PARD3: variants seen among roughly 807,000 people sequenced by gnomAD.
PARD3 encodes par-3 family cell polarity regulator.
Under a neutral mutation model 155.4 loss-of-function variants are expected in PARD3, and 75 were observed. That is an observed-to-expected ratio of 0.48 (90% CI 0.40 to 0.58). PARD3 has a LOEUF of 0.58. PARD3 is among the 20% of genes least tolerant of loss of function. The pLI is 0.00. For missense variants in PARD3, 1,642 were observed against 1,721.7 expected (o/e 0.95, Z 0.82); for synonymous variants, 576 against 610.5 (o/e 0.94, Z 0.83).
At chr10:34,352,949 G>A (rs1838304083) in intron 14 of PARD3, among the ~76,000 whole-genome samples, 2 of 151,118 alleles carry the variant, frequency 1.3e-5, no homozygotes, top group Admixed American at 6.6e-5. Flanking sequence ...GAGCGCCTCT[G>A]CCCCGCCGCC....
chr10:34,425,323 A>G (rs965272313), intron 5 of PARD3, among the ~76,000 whole-genome samples: 1 of 152,260 alleles, frequency 6.6e-6, no homozygotes, highest in African/African-American at 2.4e-5. Context: ...TACTTTCACA[A>G]CCAGAACCCA....
chr10:34,808,662 C>G (rs993881553), intron 1 of PARD3, among the ~76,000 whole-genome samples: 4 of 152,128 alleles, frequency 2.6e-5, no homozygotes, highest in Non-Finnish European at 5.9e-5. Flanking sequence ...ATACCGAGGG[C>G]TCTAATCATC....
In PARD3 at chr10:34,219,636, T is replaced by C. The variant is rs188884099; in HGVS notation, c.3419+50021A>G. On this transcript the variant is annotated intron_variant, in intron 22 of 24. Coordinates refer to ENST00000374788, the MANE Select transcript of PARD3 (RefSeq NM_001184785.2). ...GTAAAATTTCTAGTTTGCAGGTGTTTCGAAGTTCCTTGCCGAGCCTAACCT... is the reference window on the plus strand; with the variant it reads ...GTAAAATTTCTAGTTTGCAGGTGTTCCGAAGTTCCTTGCCGAGCCTAACCT... 5.3e-5 allele frequency among the ~76,000 whole-genome samples: 8 copies of C among 152,308 alleles called. No homozygotes were observed. The East Asian group carries it at 1.4e-3, about 26-fold the overall frequency.
intron 9 of PARD3, among the ~76,000 whole-genome samples, chr10:34,382,255 C>G (rs1841939888): frequency 6.6e-6 from 1 of 152,292 alleles, no homozygotes; most frequent in East Asian, 1.9e-4. Context: ...AATTTTACTA[C>G]AGTAACTGCT....
chr10:34,286,658 TGAA>T (rs1315856456), intron 20 of PARD3, among the ~76,000 whole-genome samples: 4 of 152,034 alleles, frequency 2.6e-5, no homozygotes, highest in African/African-American at 9.7e-5. Flanking sequence ...CAGCAGGAAA[TGAA>T]GAAGAGCAGC....
At chr10:34,111,583 G>T in intron 24 of PARD3, 21 bp from the exon 25 acceptor site, 2 of 1,575,084 alleles carry the variant, frequency 1.3e-6, no homozygotes, top group Non-Finnish European at 1.7e-6. Flanking sequence ...AAACCCAAAG[G>T]TTAGTGTGAG....
At chr10:34,497,788 T>C (rs1282871807) in intron 3 of PARD3, among the ~76,000 whole-genome samples, 1 of 152,186 alleles carries the variant, frequency 6.6e-6, no homozygotes, top group Non-Finnish European at 1.5e-5. Context: ...CTCAACTCAA[T>C]TTACTTAGAT....
chr10:34,567,297 T>C (rs1157149862), intron 2 of PARD3, among the ~76,000 whole-genome samples: 2 of 152,206 alleles, frequency 1.3e-5, no homozygotes, highest in African/African-American at 4.8e-5. Flanking sequence ...GCTAATCCAC[T>C]ATACAATTTT....
intron 22 of PARD3, among the ~76,000 whole-genome samples, chr10:34,217,210 G>C (rs1445652257): frequency 1.3e-5 from 2 of 151,524 alleles, no homozygotes; most frequent in Admixed American, 1.3e-4. Context: ...CCTGTCCCTG[G>C]GTGCTCTCAC....
chr10:34,786,833 T>C (rs1841018612), intron 1 of PARD3, among the ~76,000 whole-genome samples: 1 of 152,184 alleles, frequency 6.6e-6, no homozygotes, highest in Non-Finnish European at 1.5e-5. Context: ...TATACATATA[T>C]AGATTTGGTT....
chr10:34,604,105 G>C (rs898869692), intron 2 of PARD3, among the ~76,000 whole-genome samples: 2 of 152,172 alleles, frequency 1.3e-5, no homozygotes, highest in Non-Finnish European at 2.9e-5. Context: ...ATGTCCGAGT[G>C]AAACAAACTG....
At chr10:34,180,586 T>G in intron 22 of PARD3, among the ~76,000 whole-genome samples, 1 of 152,168 alleles carries the variant, frequency 6.6e-6, no homozygotes. Context: ...AACCATTTCA[T>G]TTGACTCATA....
chr10:34,639,548 C>G (rs1201397843), intron 2 of PARD3, among the ~76,000 whole-genome samples: 1 of 152,164 alleles, frequency 6.6e-6, no homozygotes, highest in Non-Finnish European at 1.5e-5. Context: ...AGGCTCACAT[C>G]TTATTAAATT....
chr10:34,407,718 A>C (rs758296712), intron 5 of PARD3, among the ~76,000 whole-genome samples: 1 of 152,108 alleles, frequency 6.6e-6, no homozygotes, highest in African/African-American at 2.4e-5. Flanking sequence ...CTGTAGTCTC[A>C]GCTACTTGGG....
At position 34,489,437 on chromosome 10, in the gene PARD3, T is replaced by A. The variant is rs562661026; in HGVS notation, c.404-19174A>T. Among the ~76,000 whole-genome samples, 102 of 152,310 alleles carry A rather than the reference T, an allele frequency of 6.7e-4. 1 individual carries two copies. In the South Asian group the frequency reaches 7.5e-3, roughly 11 times the overall value. ...AGCTTTATTTTCTACAGGGGGAGTA[T>A]GACGGAAGCACTTTAAAAACATTCA... is the stretch of plus-strand genomic sequence containing the variant. On this transcript the variant is annotated intron_variant, in intron 3 of 24. Coordinates refer to ENST00000374788, the MANE Select transcript of PARD3 (RefSeq NM_001184785.2).
chr10:34,355,772 C>A (rs912024579), intron 14 of PARD3, among the ~76,000 whole-genome samples: 2 of 151,618 alleles, frequency 1.3e-5, no homozygotes, highest in Middle Eastern at 3.4e-3. Context: ...ACCAAAAATA[C>A]AAAAAATTAG....
In PARD3 at chr10:34,517,113, C is replaced by G; in HGVS notation, c.269G>C (p.Gly90Ala). ...DEQDPHHGGD[G>A]TSASSTGTQS... ...GGTACCCGTGGAACTGGCACTGGTG[C>G]CATCACCTCCGTGATGTGGATCCTG... The change falls in exon 3 of 25, where the codon GGC (glycine) becomes GCC (alanine). Residue 90 changes from glycine (G) to alanine (A), a missense_variant. Gly to Ala is a moderately conservative substitution (Grantham distance 60). Coordinates refer to ENST00000374788, the MANE Select transcript of PARD3 (RefSeq NM_001184785.2). 1.2e-6 allele frequency: 2 copies of G among 1,614,118 alleles called. No homozygotes were observed. The highest frequency in any genetic ancestry group is 1.7e-5 in the Admixed American group (1 of 60,028).
At chr10:34,213,974 T>A (rs777031442) in intron 22 of PARD3, among the ~76,000 whole-genome samples, 1 of 152,146 alleles carries the variant, frequency 6.6e-6, no homozygotes, top group Non-Finnish European at 1.5e-5. Flanking sequence ...TAGCTCACTG[T>A]AGCCTTGAAC....
chr10:34,173,421 T>C (rs906593931), intron 22 of PARD3, among the ~76,000 whole-genome samples: 7 of 152,192 alleles, frequency 4.6e-5, no homozygotes, highest in Admixed American at 6.5e-5. Context: ...GGGAGCTGCA[T>C]ACAAAAACAT....
Sources: gnomAD v4.1 joint callset for allele counts (sites outside exome capture counted in the v4.1 genomes callset) on GRCh38, gnomAD v4.1.1 for gene constraint, MANE v1.5 for transcripts, NCBI Gene and HGNC (gene_info 2026-07-23, HGNC 2026-07-21) for gene names.